The following LZTS1 variants were observed in gnomAD, a reference collection of about 807,000 sequenced individuals.
LZTS1 encodes the protein leucine zipper putative tumor suppressor 1.
In LZTS1, 31 loss-of-function variants were observed where a neutral mutation model predicts 45.8. The observed-to-expected ratio is 0.68, with a 90% CI of 0.51 to 0.91. The LOEUF is 0.91. Ranked by LOEUF, LZTS1 falls within the 40% of genes least tolerant of loss-of-function variation. The pLI is 0.00. For synonymous variants in LZTS1, 359 were observed against 357.3 expected, an observed-to-expected ratio of 1.00 and a Z score of -0.05; for missense variants, 821 against 788.9, an observed-to-expected ratio of 1.04 and a Z score of -0.49.
chr8:20,272,160 G>C (rs1800486426), intron 1 of LZTS1, among the ~76,000 whole-genome samples: 1 of 152,126 alleles, frequency 6.6e-6, no homozygotes, highest in Non-Finnish European at 1.5e-5. Context: ...ATTTAACTTG[G>C]CATTCAAGGT....
At position 20,249,635 on chromosome 8, in the gene LZTS1, G is replaced by T; in HGVS notation, c.*87C>A. 1 of 1,478,398 alleles carries T rather than the reference G, an allele frequency of 6.8e-7. No homozygotes were observed. The highest frequency in any genetic ancestry group is 9.1e-7 in the Non-Finnish European group (1 of 1,104,880). The allele number at this position is 1,478,398 out of a possible 1,614,324, so 91.6% of individuals were successfully genotyped here. A position where few individuals can be genotyped will look rare whatever the true frequency, so the allele number is the denominator to read the frequency against. ...TCCCAGGGAGTGGCGTCTCTCAGAG[G>T]GGTCTGAATTGCTGAGCAGGGGGGA... On this transcript the variant is annotated 3_prime_UTR_variant, in exon 4 of 4. Coordinates refer to ENST00000381569, the MANE Select transcript of LZTS1 (RefSeq NM_021020.5).
At chr8:20,283,449 C>T (rs1473046227) in intron 1 of LZTS1, among the ~76,000 whole-genome samples, 5 of 152,160 alleles carry the variant, frequency 3.3e-5, no homozygotes, top group Admixed American at 6.5e-5. Context: ...GACTTCTCAG[C>T]CTCCAGAACT....
intron 1 of LZTS1, among the ~76,000 whole-genome samples, chr8:20,301,188 A>G (rs1372137832): frequency 6.6e-6 from 1 of 151,644 alleles, no homozygotes; most frequent in Admixed American, 6.6e-5. Flanking sequence ...ACCAGGCAGG[A>G]ATATTCCATG....
At chr8:20,254,815 C>G in intron 2 of LZTS1, 22 bp downstream of exon 2, 1 of 1,581,176 alleles carries the variant, frequency 6.3e-7, no homozygotes, top group Non-Finnish European at 8.6e-7. Flanking sequence ...CCCACTTACC[C>G]TTGCCAGCGA....
Position 20,253,259 on chromosome 8 carries a change from C to T in LZTS1, c.672G>A (p.Met224Ile), listed in dbSNP as rs961063187. 3 of 1,614,028 alleles carry T rather than the reference C, an allele frequency of 1.9e-6. No individual in the cohort carries two copies. The highest frequency in any genetic ancestry group is 1.7e-6 in the Non-Finnish European group (2 of 1,180,056). Residue 224 changes from methionine to isoleucine, a missense_variant, in exon 3 of 4, where the codon ATG becomes ATA. Physicochemically the swap from Met to Ile is conservative, Grantham distance 10. Transcript: ENST00000381569. ...AGAAGGACAGAGCCTTCAGGCTCAT[C>T]ATGTTGCTGTCCTGGAGGACGATGC... ...TQGIVLQDSN[M>I]MSLKALSFSD... is the part of the protein sequence containing the mutation.
At chr8:20,298,683 C>T (rs981566490) in intron 1 of LZTS1, among the ~76,000 whole-genome samples, 1 of 152,034 alleles carries the variant, frequency 6.6e-6, no homozygotes, top group African/African-American at 2.4e-5. Flanking sequence ...AGCAACATAG[C>T]GAGACCTTAT....
chr8:20,299,649 C>T (rs534263042), intron 1 of LZTS1, among the ~76,000 whole-genome samples: 4 of 152,188 alleles, frequency 2.6e-5, no homozygotes, highest in Non-Finnish European at 5.9e-5. Context: ...CATGGAGCCC[C>T]GAGAACACAG....
chr8:20,263,820 C>T (rs946258500), intron 1 of LZTS1, among the ~76,000 whole-genome samples: 5 of 152,120 alleles, frequency 3.3e-5, no homozygotes, highest in Non-Finnish European at 7.3e-5. Flanking sequence ...CCCGAAGGCT[C>T]GCCTGATGCT....
chr8:20,277,531 G>A (rs1366315795), intron 1 of LZTS1, among the ~76,000 whole-genome samples: 3 of 152,160 alleles, frequency 2.0e-5, no homozygotes, highest in Admixed American at 2.0e-4. Context: ...CTCTCTTGGG[G>A]ACTGGATTAG....
chr8:20,254,417 C>T (rs1022015045), intron 2 of LZTS1, among the ~76,000 whole-genome samples: 1 of 152,224 alleles, frequency 6.6e-6, no homozygotes, highest in African/African-American at 2.4e-5. Context: ...CACCCACCCC[C>T]ACGAGTCTCC....
In LZTS1 at chr8:20,271,077, A is replaced by G. The variant is rs918397862; in HGVS notation, c.-134-15762T>C. On this transcript the variant is annotated intron_variant, in intron 1 of 3. Coordinates refer to ENST00000381569, the MANE Select transcript of LZTS1 (RefSeq NM_021020.5). ...GCCTGAGTGTATTTTTGTGTGCTCA[A>G]CAGCATGGGAGTCTGTGTGCACAAG... Among the ~76,000 whole-genome samples the G allele has an allele frequency of 3.3e-5, 5 of 152,168 alleles. No individual in the cohort carries two copies. The East Asian group carries it at 7.7e-4, about 24-fold the overall frequency.
intron 1 of LZTS1, among the ~76,000 whole-genome samples, chr8:20,264,318 CA>C (rs1360383034): frequency 1.3e-5 from 2 of 152,078 alleles, no homozygotes. Context: ...CATTCTGTTG[CA>C]AAAACCCTCT....
intron 1 of LZTS1, among the ~76,000 whole-genome samples, chr8:20,294,263 G>T (rs1260146988): frequency 6.6e-6 from 1 of 152,232 alleles, no homozygotes; most frequent in Non-Finnish European, 1.5e-5. Context: ...CCGAGGTACT[G>T]GTGGAAGCCC....
At chr8:20,303,516 T>C (rs1276384076) in intron 1 of LZTS1, among the ~76,000 whole-genome samples, 1 of 152,130 alleles carries the variant, frequency 6.6e-6, no homozygotes. Flanking sequence ...CACAGTCACC[T>C]CCTCTGGGCC....
chr8:20,255,407 C>T, intron 1 of LZTS1, 92 bp from the exon 2 acceptor site: 1 of 887,210 alleles, frequency 1.1e-6, no homozygotes, highest in Non-Finnish European at 1.6e-6. Context: ...AGTAGAGAAA[C>T]ACATGTCAGA....
chr8:20,268,381 C>A (rs1172159588), intron 1 of LZTS1, among the ~76,000 whole-genome samples: 1 of 151,874 alleles, frequency 6.6e-6, no homozygotes, highest in African/African-American at 2.4e-5. Context: ...CTAATTGACT[C>A]CCCTTTTATG....
intron 1 of LZTS1, among the ~76,000 whole-genome samples, chr8:20,277,791 G>T (rs1198732189): frequency 6.6e-6 from 1 of 152,140 alleles, no homozygotes; most frequent in Non-Finnish European, 1.5e-5. Flanking sequence ...AAAACAGCAG[G>T]ATTTGTCAGC....
intron 1 of LZTS1, among the ~76,000 whole-genome samples, chr8:20,280,770 C>T (rs1800673894): frequency 6.6e-6 from 1 of 152,164 alleles, no homozygotes; most frequent in Non-Finnish European, 1.5e-5. Context: ...AGCTCTCCTC[C>T]TCCCATCCTT....
At chr8:20,284,881 T>C (rs893639954) in intron 1 of LZTS1, among the ~76,000 whole-genome samples, 1 of 152,174 alleles carries the variant, frequency 6.6e-6, no homozygotes, top group Non-Finnish European at 1.5e-5. Flanking sequence ...TCAAGACCCA[T>C]GCTCCCATCC....
Sources: allele counts gnomAD v4.1 joint callset (sites outside exome capture counted in the v4.1 genomes callset), GRCh38; gene constraint gnomAD v4.1.1; transcripts MANE v1.5; gene names NCBI Gene and HGNC (gene_info 2026-07-23, HGNC 2026-07-21).